The following MYRIP variants were observed in gnomAD, a reference collection of about 807,000 sequenced individuals.
MYRIP encodes rab effector MyRIP.
A neutral mutation model predicts 98.0 loss-of-function variants in MYRIP; 49 were observed. The ratio of observed to expected loss-of-function variants is 0.50; its 90% CI spans 0.40 to 0.63. MYRIP has a LOEUF of 0.63. MYRIP is among the 30% of genes least tolerant of loss of function. MYRIP has a pLI of 0.00. For synonymous variants in MYRIP, 404 were observed against 409.5 expected (o/e 0.99, Z 0.16); for missense variants, 1,004 against 1,058.2 (o/e 0.95, Z 0.71).
intron 1 of MYRIP, among the ~76,000 whole-genome samples, chr3:39,876,511 TC>T (rs1434842156): frequency 4.6e-5 from 7 of 152,214 alleles, no homozygotes; most frequent in Admixed American, 3.9e-4. Context: ...AGTGCTTCCT[TC>T]AGGAGCTCTT....
At chr3:40,159,881 T>A (rs1261188454) in intron 4 of MYRIP, among the ~76,000 whole-genome samples, 1 of 152,248 alleles carries the variant, frequency 6.6e-6, no homozygotes, top group African/African-American at 2.4e-5. Flanking sequence ...TTAGTTATTC[T>A]AGTTATACAT....
intron 2 of MYRIP, among the ~76,000 whole-genome samples, chr3:39,972,698 C>A (rs1945618844): frequency 6.6e-6 from 1 of 152,046 alleles, no homozygotes; most frequent in Non-Finnish European, 1.5e-5. Flanking sequence ...GAAGCTCACA[C>A]AGATGGACTG....
chr3:40,029,460 C>T (rs1352986561), intron 2 of MYRIP, among the ~76,000 whole-genome samples: 1 of 152,164 alleles, frequency 6.6e-6, no homozygotes, highest in East Asian at 1.9e-4. Flanking sequence ...ATATGTAAGC[C>T]AGCTAAAGGT....
At chr3:39,980,085 C>T (rs186142067) in intron 2 of MYRIP, among the ~76,000 whole-genome samples, 11 of 152,278 alleles carry the variant, frequency 7.2e-5, no homozygotes, top group Admixed American at 2.0e-4. Context: ...GATCATAATG[C>T]TGCCTAGGTT....
intron 9 of MYRIP, among the ~76,000 whole-genome samples, chr3:40,183,345 T>A (rs1453089702): frequency 6.6e-6 from 1 of 152,214 alleles, no homozygotes; most frequent in South Asian, 2.1e-4. Flanking sequence ...CCTCTGCTCT[T>A]CCTGATTCCT....
intron 2 of MYRIP, among the ~76,000 whole-genome samples, chr3:39,932,579 G>A (rs1944566267): frequency 6.6e-6 from 1 of 151,976 alleles, no homozygotes; most frequent in South Asian, 2.1e-4. Context: ...TAGAGTTGGG[G>A]TTTCACCATG....
chr3:40,127,981 A>G (rs1949555791), intron 3 of MYRIP, among the ~76,000 whole-genome samples: 1 of 152,208 alleles, frequency 6.6e-6, no homozygotes. Context: ...CATCATCTAT[A>G]TAACCAATTG....
At chr3:40,225,916 C>T (rs1952475048) in intron 11 of MYRIP, among the ~76,000 whole-genome samples, 1 of 152,156 alleles carries the variant, frequency 6.6e-6, no homozygotes, top group Non-Finnish European at 1.5e-5. Flanking sequence ...TCAAACATGT[C>T]TTTAGATGAC....
At chr3:39,941,425 A>G (rs962934982) in intron 2 of MYRIP, among the ~76,000 whole-genome samples, 3 of 152,042 alleles carry the variant, frequency 2.0e-5, no homozygotes, top group South Asian at 2.1e-4. Context: ...ACATTTCAAC[A>G]TGAGATTTGG....
chr3:40,163,043 G>A (rs1211190310), intron 5 of MYRIP: 2 of 421,936 alleles, frequency 4.7e-6, no homozygotes, highest in Non-Finnish European at 8.5e-6. Flanking sequence ...ACCCAACCAT[G>A]GATACTTTAC....
chr3:40,071,400 T>C (rs1389398655), intron 3 of MYRIP, among the ~76,000 whole-genome samples: 1 of 152,186 alleles, frequency 6.6e-6, no homozygotes, highest in Non-Finnish European at 1.5e-5. Flanking sequence ...TCTATCCTGA[T>C]GGCTCTTCTC....
At chr3:40,134,364 G>A (rs976558082) in intron 3 of MYRIP, among the ~76,000 whole-genome samples, 6 of 152,262 alleles carry the variant, frequency 3.9e-5, no homozygotes, top group Non-Finnish European at 8.8e-5. Context: ...TCAGGCTTGA[G>A]TAGGTAAACA....
At chr3:39,930,071 C>A (rs2125699005) in intron 2 of MYRIP, among the ~76,000 whole-genome samples, 1 of 152,056 alleles carries the variant, frequency 6.6e-6, no homozygotes, top group South Asian at 2.1e-4. Flanking sequence ...TGGGTATATA[C>A]TGAAGAGTGG....
chr3:40,033,927 A>C (rs1248433645), intron 2 of MYRIP, among the ~76,000 whole-genome samples: 3 of 152,100 alleles, frequency 2.0e-5, no homozygotes, highest in Non-Finnish European at 4.4e-5. Flanking sequence ...ACATATCTAC[A>C]ACTATCTGAT....
chr3:40,207,499 T>A (rs1240020805), intron 10 of MYRIP, among the ~76,000 whole-genome samples: 3 of 152,230 alleles, frequency 2.0e-5, no homozygotes, highest in Non-Finnish European at 4.4e-5. Context: ...CTCTTAATTA[T>A]TCAGTGATAT....
intron 4 of MYRIP, among the ~76,000 whole-genome samples, chr3:40,152,954 CAAA>C (rs3063626): frequency 2.2e-3 from 325 of 147,032 alleles, no homozygotes; most frequent in Middle Eastern, 3.5e-3. Flanking sequence ...CTGTCTCTAC[CAAA>C]AAAAAAAAAA....
chr3:39,893,674 TCACACA>T (rs66667492), intron 1 of MYRIP, among the ~76,000 whole-genome samples: 21,885 of 147,002 alleles, frequency 0.15, 1,643 homozygotes, highest in South Asian at 0.17. Context: ...TAAGTGGAAA[TCACACA>T]CACACACACA....
chr3:40,136,274 A>G (rs974553409), intron 3 of MYRIP, among the ~76,000 whole-genome samples: 8 of 151,888 alleles, frequency 5.3e-5, no homozygotes, highest in African/African-American at 1.7e-4. Context: ...ACAAAGATCA[A>G]AAGAGACAAA....
chr3:40,152,521 G>A (rs1559423167), intron 4 of MYRIP, among the ~76,000 whole-genome samples: 1 of 152,146 alleles, frequency 6.6e-6, no homozygotes, highest in Non-Finnish European at 1.5e-5. Flanking sequence ...AATCCCAAGT[G>A]GGCTAGTGCA....
Sources: allele counts gnomAD v4.1 joint callset (sites outside exome capture counted in the v4.1 genomes callset), GRCh38; gene constraint gnomAD v4.1.1; transcripts MANE v1.5; gene names NCBI Gene and HGNC (gene_info 2026-07-23, HGNC 2026-07-21).